Variants in ALK observed in about 807,000 individuals in gnomAD.
The protein encoded by ALK is ALK receptor tyrosine kinase, also known as ALK tyrosine kinase receptor.
In ALK, 74 loss-of-function variants were observed where a neutral mutation model predicts 163.1. The observed-to-expected ratio is 0.45, with a 90% confidence interval of 0.38 to 0.55. The LOEUF is 0.55. Ranked by LOEUF, ALK falls within the 20% of genes least tolerant of loss-of-function variation. The probability of loss-of-function intolerance (pLI) is 0.00; values close to 1 mark genes in which losing one functional copy is unlikely to be tolerated. For synonymous variants in ALK, 960 were observed against 843.2 expected (o/e 1.14, Z -2.40); for missense variants, 2,063 against 2,105.3 (o/e 0.98, Z 0.39).
intron 1 of ALK, among the ~76,000 whole-genome samples, chr2:29,780,745 AG>A (rs1414515685): frequency 6.6e-6 from 1 of 152,242 alleles, no homozygotes; most frequent in Non-Finnish European, 1.5e-5. Flanking sequence ...ATGCTGGTTA[AG>A]GAAGATGATA....
chr2:29,867,180 A>G (rs1666456455), intron 1 of ALK, among the ~76,000 whole-genome samples: 1 of 152,158 alleles, frequency 6.6e-6, no homozygotes, highest in Non-Finnish European at 1.5e-5. Flanking sequence ...AACAGTCCCC[A>G]TTTTATCAAG....
intron 1 of ALK, among the ~76,000 whole-genome samples, chr2:29,781,413 A>C (rs918938416): frequency 6.6e-6 from 1 of 152,154 alleles, no homozygotes; most frequent in African/African-American, 2.4e-5. Flanking sequence ...CAGTTTCCCC[A>C]TCCTCCTTGC....
At chr2:29,314,027 G>A (rs1249616316) in intron 8 of ALK, among the ~76,000 whole-genome samples, 2 of 152,118 alleles carry the variant, frequency 1.3e-5, no homozygotes, top group Non-Finnish European at 2.9e-5. Flanking sequence ...GCTTCAATAA[G>A]CCCAATCAAC....
At chr2:29,809,673 T>G (rs1664703689) in intron 1 of ALK, among the ~76,000 whole-genome samples, 1 of 152,170 alleles carries the variant, frequency 6.6e-6, no homozygotes, top group African/African-American at 2.4e-5. Context: ...CTTCCCATCT[T>G]CAGATGCAGT....
At chr2:29,696,726 T>C (rs1678575742) in intron 2 of ALK, among the ~76,000 whole-genome samples, 1 of 151,804 alleles carries the variant, frequency 6.6e-6, no homozygotes, top group Non-Finnish European at 1.5e-5. Context: ...TCTGCACACG[T>C]GTCGTATGAA....
At chr2:29,885,098 T>G (rs1248426289) in intron 1 of ALK, among the ~76,000 whole-genome samples, 5 of 152,234 alleles carry the variant, frequency 3.3e-5, no homozygotes, top group Non-Finnish European at 2.9e-5. Context: ...AGACCCTTTT[T>G]CTGGATTGGT....
intron 1 of ALK, among the ~76,000 whole-genome samples, chr2:29,884,525 T>C (rs7603844): frequency 0.7 from 106,885 of 151,766 alleles, 37,870 homozygotes; most frequent in Non-Finnish European, 0.75. Context: ...CCTTGCACTT[T>C]GGGGTAAATA....
chr2:29,214,711 C>T (rs1337054249), intron 23 of ALK, among the ~76,000 whole-genome samples: 1 of 152,220 alleles, frequency 6.6e-6, no homozygotes, highest in African/African-American at 2.4e-5. Context: ...CTCATCTTGG[C>T]TTCCTGGACA....
intron 11 of ALK, 111 bp from the exon 12 acceptor site, chr2:29,251,378 C>T (rs1304723759): frequency 5.4e-6 from 6 of 1,105,836 alleles, no homozygotes; most frequent in Non-Finnish European, 7.9e-6. Flanking sequence ...ACCCTCCATC[C>T]AAGATGGCAC....
At chr2:29,535,741 A>G (rs1189812286) in intron 3 of ALK, among the ~76,000 whole-genome samples, 1 of 152,182 alleles carries the variant, frequency 6.6e-6, no homozygotes, top group East Asian at 1.9e-4. Context: ...TGTTGGATAC[A>G]GTCTCTCTAA....
intron 3 of ALK, among the ~76,000 whole-genome samples, chr2:29,566,415 C>T (rs916355787): frequency 2.6e-5 from 4 of 152,180 alleles, no homozygotes; most frequent in African/African-American, 7.2e-5. Context: ...TATACTGATT[C>T]GGGTCTGCAT....
chr2:29,865,313 C>G (rs982147267), intron 1 of ALK, among the ~76,000 whole-genome samples: 1 of 152,214 alleles, frequency 6.6e-6, no homozygotes, highest in African/African-American at 2.4e-5. Context: ...TTTGCTAGGA[C>G]ATAGGCTGTC....
chr2:29,266,322 C>G (rs1321156737), intron 11 of ALK, among the ~76,000 whole-genome samples: 1 of 152,104 alleles, frequency 6.6e-6, no homozygotes, highest in African/African-American at 2.4e-5. Flanking sequence ...CCTCCAGATA[C>G]ATATTTATGT....
intron 1 of ALK, among the ~76,000 whole-genome samples, chr2:29,759,389 G>A (rs1209245006): frequency 6.6e-6 from 1 of 152,176 alleles, no homozygotes; most frequent in Non-Finnish European, 1.5e-5. Context: ...GGAAGTTTGA[G>A]AGAAATCAAA....
intron 3 of ALK, chr2:29,681,119 G>T (rs954929842): frequency 7.9e-5 from 12 of 152,160 alleles, no homozygotes; most frequent in African/African-American, 2.9e-4. Context: ...GTTTTGACCT[G>T]CTTTGTTTAC....
chr2:29,596,488 C>T (rs1340353363), intron 3 of ALK, among the ~76,000 whole-genome samples: 1 of 152,080 alleles, frequency 6.6e-6, no homozygotes, highest in African/African-American at 2.4e-5. Flanking sequence ...AGTGATTTGT[C>T]AGAAGACTAG....
intron 3 of ALK, among the ~76,000 whole-genome samples, chr2:29,632,353 T>C (rs886319126): frequency 3.3e-5 from 5 of 152,116 alleles, no homozygotes; most frequent in Non-Finnish European, 7.4e-5. Context: ...CCCAGTATGA[T>C]TGTATTTGGA....
At chr2:29,854,035 G>A (rs1445751143) in intron 1 of ALK, among the ~76,000 whole-genome samples, 4 of 151,436 alleles carry the variant, frequency 2.6e-5, no homozygotes, top group Admixed American at 6.6e-5. Context: ...TCAGCCTCCC[G>A]AGTAGCTGGG....
chr2:29,663,776 CAATGCAGGAA>C (rs1677424517), intron 3 of ALK, among the ~76,000 whole-genome samples: 1 of 152,038 alleles, frequency 6.6e-6, no homozygotes, highest in African/African-American at 2.4e-5. Flanking sequence ...TTCCATGTAA[CAATGCAGGAA>C]AATTATAACT....
Sources: gnomAD v4.1 joint callset for allele counts (sites outside exome capture counted in the v4.1 genomes callset) on GRCh38, gnomAD v4.1.1 for gene constraint, MANE v1.5 for transcripts, NCBI Gene and HGNC (gene_info 2026-07-23, HGNC 2026-07-21) for gene names.